GMPS: variants seen among roughly 807,000 people sequenced by gnomAD.
GMPS encodes GMP synthase [glutamine-hydrolyzing].
Under a neutral mutation model 77.9 loss-of-function variants are expected in GMPS, and 15 were observed. That is an observed-to-expected ratio of 0.19 (90% CI 0.13 to 0.30). The LOEUF is 0.30. GMPS is among the 10% of genes least tolerant of loss of function. The probability of loss-of-function intolerance (pLI) is 1.00; values close to 1 mark genes in which losing one functional copy is unlikely to be tolerated. For missense variants in GMPS, 590 were observed against 838.8 expected (o/e 0.70, Z 3.66); for synonymous variants, 224 against 275.9 (o/e 0.81, Z 1.86).
rs1004052635 is a variant in GMPS, at chr3:155,911,340, C to T, written c.886+61C>T. The stretch of plus-strand genomic sequence containing the variant: ...TAGGACTTGTTTAATCAAATCTAGT[C>T]TTATGGTTTAAATGAGCACAATTAC... On this transcript the variant is annotated intron_variant, in intron 7 of 15. Transcript: ENST00000496455. The T allele has an allele frequency of 9.3e-6, 10 of 1,077,956 alleles. No individual in the cohort carries two copies. The South Asian group carries it at 1.7e-4, about 19-fold the overall frequency. 66.8% of individuals were successfully genotyped at this position (1,077,956 alleles called of 1,614,324 possible). A position where few individuals can be genotyped will look rare whatever the true frequency, so the allele number is the denominator to read the frequency against.
rs553097506 is a variant in GMPS, at chr3:155,899,029, G to A, written c.324+988G>A. Among the ~76,000 whole-genome samples, 276 of 152,148 alleles carry A rather than the reference G, an allele frequency of 1.8e-3. 1 individual carries two copies. Among genetic ancestry groups the A allele is most frequent in the African/African-American group, 6.4e-3 (266 of 41,500 alleles). On this transcript the variant is annotated intron_variant, in intron 3 of 15. Coordinates refer to ENST00000496455, the MANE Select transcript of GMPS (RefSeq NM_003875.3). The stretch of plus-strand genomic sequence containing the variant: ...GTGGATCACCTGAAGTCAGGAGTTC[G>A]AGACCAGCCTGACCAACATGGGGAA...
rs548327903 is a variant in GMPS at position 155,920,714 on chromosome 3, T to C, written c.1318+1376T>C. Among the ~76,000 whole-genome samples, 16 of 152,328 alleles carry C rather than the reference T, an allele frequency of 1.1e-4. No individual in the cohort carries two copies. The South Asian group carries it at 3.1e-3, about 30-fold the overall frequency. On this transcript the variant is annotated intron_variant, in intron 10 of 15. Coordinates refer to ENST00000496455, the MANE Select transcript of GMPS (RefSeq NM_003875.3). ...TAAAAATCTATTTTGTATGTTGAGT[T>C]TTCTATTATGTAAGACTTCATTGGC... is the stretch of plus-strand genomic sequence containing the variant.
chr3:155,930,028 C>T (rs1402955060), intron 12 of GMPS, among the ~76,000 whole-genome samples: 3 of 149,278 alleles, frequency 2.0e-5, no homozygotes, highest in African/African-American at 7.4e-5. Context: ...TCATATGGAA[C>T]CAAAAAAGAG....
intron 14 of GMPS, 110 bp from the exon 15 acceptor site, chr3:155,936,228 C>T (rs10804774): frequency 0.6 from 413,489 of 690,544 alleles, 126,685 homozygotes; most frequent in African/African-American, 0.64. Context: ...GTCTTAACTA[C>T]GCTGTGTGTG....
intron 5 of GMPS, among the ~76,000 whole-genome samples, chr3:155,909,007 A>G (rs541631353): frequency 6.6e-6 from 1 of 152,290 alleles, no homozygotes; most frequent in African/African-American, 2.4e-5. Context: ...AGGAACCAGC[A>G]AAGAGATTCA....
chr3:155,872,152 A>C (rs943635636), intron 1 of GMPS, among the ~76,000 whole-genome samples: 1 of 152,202 alleles, frequency 6.6e-6, no homozygotes, highest in Admixed American at 6.5e-5. Context: ...GAATTTTAAC[A>C]TTCTTTTTAA....
intron 1 of GMPS, among the ~76,000 whole-genome samples, chr3:155,872,674 A>G (rs997489572): frequency 6.6e-6 from 1 of 152,192 alleles, no homozygotes; most frequent in African/African-American, 2.4e-5. Context: ...GGAATGACAA[A>G]GATAATCTTA....
chr3:155,873,131 A>G (rs1753943479), intron 1 of GMPS, among the ~76,000 whole-genome samples: 3 of 152,170 alleles, frequency 2.0e-5, no homozygotes, highest in Non-Finnish European at 4.4e-5. Context: ...AAGTTGGGCA[A>G]GAGCTGGTTT....
intron 1 of GMPS, among the ~76,000 whole-genome samples, chr3:155,888,647 G>A (rs1349342096): frequency 6.7e-6 from 1 of 149,760 alleles, no homozygotes; most frequent in Non-Finnish European, 1.5e-5. Flanking sequence ...GTGCAATGGT[G>A]TGATCTCAGC....
chr3:155,885,978 G>C (rs954300685), intron 1 of GMPS, among the ~76,000 whole-genome samples: 2 of 152,030 alleles, frequency 1.3e-5, no homozygotes, highest in Admixed American at 6.6e-5. Context: ...GTGCTACCAT[G>C]CCTGGCTAAT....
intron 14 of GMPS, 39 bp from the exon 15 acceptor site, chr3:155,936,299 T>C (rs1755763924): frequency 7.3e-7 from 1 of 1,364,708 alleles, no homozygotes; most frequent in Non-Finnish European, 1.0e-6. Context: ...AGTGCTTTTC[T>C]ATGGTGTGGT....
In GMPS at chr3:155,870,905, T is replaced by C; in HGVS notation, c.27+8T>C. The C allele has an allele frequency of 6.7e-7, 1 of 1,499,518 alleles. No individual in the cohort carries two copies. The highest frequency in any genetic ancestry group is 8.9e-7 in the Non-Finnish European group (1 of 1,127,506). The allele number at this position is 1,499,518 out of a possible 1,614,324, so 92.9% of individuals were successfully genotyped here. A position where few individuals can be genotyped will look rare whatever the true frequency, so the allele number is the denominator to read the frequency against. ...TGCAACGGAGACTCCAAGGTCAGCGTGGGGGTCCCTGCAGCACCGCATCCC... is the reference window on the plus strand; with the variant it reads ...TGCAACGGAGACTCCAAGGTCAGCGCGGGGGTCCCTGCAGCACCGCATCCC... On this transcript the variant is annotated splice_region_variant and intron_variant, in intron 1 of 15. Transcript: ENST00000496455.
intron 2 of GMPS, 53 bp downstream of exon 2, chr3:155,893,752 AT>A: frequency 1.0e-6 from 1 of 958,228 alleles, no homozygotes; most frequent in Non-Finnish European, 1.5e-6. Flanking sequence ...ATTGTGGAAT[AT>A]TTTATTATTA....
chr3:155,938,107 T>C lies in GMPS; in HGVS notation c.*415T>C, dbSNP rs1360951965. 3.0e-5 allele frequency: 7 copies of C among 230,104 alleles called. No individual in the cohort carries two copies. Among genetic ancestry groups the C allele is most frequent in the Non-Finnish European group, 4.3e-5 (5 of 116,370 alleles). The allele number at this position is 230,104 out of a possible 1,614,324, so 14.3% of individuals were successfully genotyped here. On this transcript the variant is annotated 3_prime_UTR_variant, in exon 16 of 16. Transcript: ENST00000496455. ...GTTACTTACTACTTATATATACTTT[T>C]TGGAGAATCAGTTTTCTTATAAGTA...
intron 7 of GMPS, among the ~76,000 whole-genome samples, chr3:155,911,655 T>G (rs938502008): frequency 6.6e-6 from 1 of 151,860 alleles, no homozygotes; most frequent in Non-Finnish European, 1.5e-5. Flanking sequence ...CTGGCCAACA[T>G]GATGAAACCC....
At chr3:155,893,397 G>GA (rs35357023) in intron 1 of GMPS, 121 bp from the exon 2 acceptor site, 1 of 632,150 alleles carries the variant, frequency 1.6e-6, no homozygotes, top group Non-Finnish European at 2.7e-6. Flanking sequence ...TGGTAACTCA[G>GA]AAAGTCCTAA....
chr3:155,916,166 G>C lies in GMPS; in HGVS notation c.1186G>C (p.Glu396Gln), dbSNP rs1755174348. 6.2e-7 allele frequency: 1 copy of C among 1,610,448 alleles called. No homozygotes were observed. The highest frequency in any genetic ancestry group is 1.7e-5 in the Admixed American group (1 of 59,210). Reference sequence around the variant, plus strand: ...CATCAAAACCCATCACAATGACACAGAGCTCATCAGAAAGTTGAGAGAGGA... The same window carrying C: ...CATCAAAACCCATCACAATGACACACAGCTCATCAGAAAGTTGAGAGAGGA... ...ELIKTHHNDT[E>Q]LIRKLREEGK... is the part of the protein sequence containing the mutation. Residue 396 changes from glutamate to glutamine, a missense_variant, in exon 9 of 16, where the codon GAG (glutamate) becomes CAG (glutamine). Transcript: ENST00000496455.
At chr3:155,879,265 C>CTTTT (rs370727242) in intron 1 of GMPS, among the ~76,000 whole-genome samples, 3 of 122,652 alleles carry the variant, frequency 2.4e-5, no homozygotes, top group African/African-American at 9.0e-5. Flanking sequence ...CTGCACTTGT[C>CTTTT]TTTTTTTTTT....
chr3:155,925,357 A>G lies in GMPS; in HGVS notation c.1551A>G (p.Val517=), dbSNP rs977070813. The change falls in exon 12 of 16, where the codon GTA becomes GTG. Residue 517 remains valine, a synonymous_variant. Transcript: ENST00000496455. ...LNAFLLPIKT[V]GVQGDCRSYS... is the part of the protein sequence containing the mutation. ...CCTTCTTGCTGCCAATTAAAACTGT[A>G]GGTGTGCAGGTGAGTTGTGTGAATT... is the stretch of plus-strand genomic sequence containing the variant. 6.2e-7 allele frequency: 1 copy of G among 1,602,494 alleles called. No homozygotes were observed. The highest frequency in any genetic ancestry group is 1.1e-5 in the South Asian group (1 of 89,322).
Sources: allele counts gnomAD v4.1 joint callset (sites outside exome capture counted in the v4.1 genomes callset), GRCh38; gene constraint gnomAD v4.1.1; transcripts MANE v1.5; gene names NCBI Gene and HGNC (gene_info 2026-07-23, HGNC 2026-07-21).